The following MORN3 variants were observed in gnomAD, a reference collection of about 807,000 sequenced individuals.
MORN3 encodes the protein MORN repeat-containing protein 3.
A neutral mutation model predicts 34.7 loss-of-function variants in MORN3; 38 were observed. The ratio of observed to expected loss-of-function variants is 1.10; its 90% CI spans 0.85 to 1.44. MORN3 has a LOEUF of 1.44. Ranked by LOEUF, MORN3 falls within the 40% of genes most tolerant of loss-of-function variation. The pLI is 0.00. For synonymous variants in MORN3, 109 were observed against 115.3 expected (o/e 0.95, Z 0.35); for missense variants, 311 against 321.7 (o/e 0.97, Z 0.25).
chr12:121,667,041 ACCT>A (rs1893784172), intron 1 of MORN3, among the ~76,000 whole-genome samples: 2 of 146,284 alleles, frequency 1.4e-5, no homozygotes, highest in Admixed American at 1.4e-4. Context: ...GCTCACTGTA[ACCT>A]CCTCCTCCCA....
At position 121,652,186 on chromosome 12, in the gene MORN3, G is replaced by A. The variant is rs551899738; in HGVS notation, c.*6+542C>T. 6.6e-5 allele frequency among the ~76,000 whole-genome samples: 10 copies of A among 151,960 alleles called. No individual in the cohort carries two copies. In the East Asian group the frequency reaches 1.9e-3, roughly 29 times the overall value. On this transcript the variant is annotated intron_variant, in intron 5 of 5. Coordinates refer to ENST00000355329, the MANE Select transcript of MORN3 (RefSeq NM_173855.5). ...CCTGACCTCGTGATCCACCCACCTCGGCCTCCCAAAGTGCTGGGATTACAG... is the reference window on the plus strand; with the variant it reads ...CCTGACCTCGTGATCCACCCACCTCAGCCTCCCAAAGTGCTGGGATTACAG...
chr12:121,659,092 C>T (rs1246707056), intron 2 of MORN3, 99 bp downstream of exon 2: 27 of 1,492,596 alleles, frequency 1.8e-5, no homozygotes, highest in Non-Finnish European at 2.4e-5. Flanking sequence ...CCTCCCCTCT[C>T]TTTTCTCCCA....
chr12:121,663,867 TGGG>T (rs1893661697), intron 1 of MORN3, among the ~76,000 whole-genome samples: 1 of 152,058 alleles, frequency 6.6e-6, no homozygotes, highest in Admixed American at 6.6e-5. Flanking sequence ...TAGGGGCTGT[TGGG>T]TTGTTTGCGT....
rs542100595 is a variant in MORN3 at position 121,654,512 on chromosome 12, A to G, written c.304-79T>C. 20 of 1,438,500 alleles carry G rather than the reference A, an allele frequency of 1.4e-5. No homozygotes were observed. In the East Asian group the frequency reaches 2.6e-4, roughly 18 times the overall value. 89.1% of individuals were successfully genotyped at this position (1,438,500 alleles called of 1,614,324 possible). On this transcript the variant is annotated intron_variant, in intron 2 of 5. Coordinates refer to ENST00000355329, the MANE Select transcript of MORN3 (RefSeq NM_173855.5). ...GCCCACCGTCTTCCCAGGCACCCCTAGAGCCACACACCCCAGCTTCTTCCT... is the reference window on the plus strand; with the variant it reads ...GCCCACCGTCTTCCCAGGCACCCCTGGAGCCACACACCCCAGCTTCTTCCT...
chr12:121,653,357 T>C (rs1893309675), intron 3 of MORN3, 98 bp from the exon 4 acceptor site: 9 of 1,268,896 alleles, frequency 7.1e-6, no homozygotes, highest in Non-Finnish European at 9.7e-6. Flanking sequence ...TCCTAACACA[T>C]TGGGAGGCCA....
At chr12:121,661,556 T>C (rs59777768) in intron 1 of MORN3, among the ~76,000 whole-genome samples, 5,037 of 152,176 alleles carry the variant, frequency 0.033, 213 homozygotes, top group East Asian at 0.11. Flanking sequence ...GCCTCAGATA[T>C]CTCAGCTGTA....
intron 5 of MORN3, among the ~76,000 whole-genome samples, chr12:121,652,116 A>C (rs1368831698): frequency 6.6e-6 from 1 of 151,924 alleles, no homozygotes; most frequent in African/African-American, 2.4e-5. Context: ...TTGTGTTTTT[A>C]GTACAGATGG....
intron 1 of MORN3, among the ~76,000 whole-genome samples, chr12:121,666,096 A>T (rs188588103): frequency 6.6e-6 from 1 of 152,058 alleles, no homozygotes; most frequent in African/African-American, 2.4e-5. Flanking sequence ...TTGGGAGGCC[A>T]AGGTGGGCAG....
chr12:121,670,788 G>GAC (rs1448636351), upstream of MORN3, among the ~76,000 whole-genome samples: 1 of 149,738 alleles, frequency 6.7e-6, no homozygotes, highest in East Asian at 2.0e-4. Context: ...CAGGTTGGGA[G>GAC]ACAGAGCAAG....
intron 2 of MORN3, 104 bp downstream of exon 2, chr12:121,659,087 C>A (rs553184021): frequency 1.4e-6 from 2 of 1,443,574 alleles, no homozygotes; most frequent in East Asian, 2.4e-5. Context: ...GTAGACCTCC[C>A]CTCTCTTTTC....
rs1225410094 is a variant in MORN3, at chr12:121,649,704, C to T, written c.*1947G>A. ...ATCGTGGTATTTCAGGGTTTCTCAACATTTTTTTTTTTTTTTTTTTTGGAG... is the reference window on the plus strand; with the variant it reads ...ATCGTGGTATTTCAGGGTTTCTCAATATTTTTTTTTTTTTTTTTTTTGGAG... On this transcript the variant is annotated 3_prime_UTR_variant, in exon 6 of 6. Transcript: ENST00000355329. The T allele has an allele frequency of 2.8e-5, 4 of 142,508 alleles. No homozygotes were observed. Among genetic ancestry groups the T allele is most frequent in the Admixed American group, 1.4e-4 (2 of 14,356 alleles). The allele number at this position is 142,508 out of a possible 1,614,324, so 8.8% of individuals were successfully genotyped here.
At chr12:121,655,282 A>T (rs1332078568) in intron 2 of MORN3, among the ~76,000 whole-genome samples, 1 of 150,950 alleles carries the variant, frequency 6.6e-6, no homozygotes, top group Non-Finnish European at 1.5e-5. Flanking sequence ...TGGGAGATGG[A>T]GGTTGCAGTG....
At chr12:121,670,676 G>A (rs1371461386), upstream of MORN3, among the ~76,000 whole-genome samples, 1 of 151,896 alleles carries the variant, frequency 6.6e-6, no homozygotes, top group Non-Finnish European at 1.5e-5. Context: ...AGGCCTGGTG[G>A]TACGCGCCTG....
intron 2 of MORN3, among the ~76,000 whole-genome samples, chr12:121,655,339 C>CAA (rs57882903): frequency 6.5e-4 from 90 of 138,688 alleles, no homozygotes; most frequent in African/African-American, 2.2e-3. Flanking sequence ...GACGCTATCT[C>CAA]AAAAAAAAAA....
At chr12:121,666,987 C>A (rs11043316) in intron 1 of MORN3, among the ~76,000 whole-genome samples, 18,105 of 110,366 alleles carry the variant, frequency 0.16, 1,414 homozygotes, top group Middle Eastern at 0.37. Context: ...GATGGAGATT[C>A]GTTCTTGGAA....
intron 5 of MORN3, among the ~76,000 whole-genome samples, chr12:121,651,993 G>A (rs1368806377): frequency 2.0e-5 from 3 of 152,162 alleles, no homozygotes; most frequent in Admixed American, 6.6e-5. Context: ...CTGGAGTGCA[G>A]TGGCACAGTC....
chr12:121,653,290 G>A lies in MORN3; in HGVS notation c.464-31C>T, dbSNP rs1455380094. 19 of 1,602,784 alleles carry A rather than the reference G, an allele frequency of 1.2e-5. No individual in the cohort carries two copies. In the Admixed American group the frequency reaches 2.4e-4, roughly 20 times the overall value. ...GGAAAGGACAGGGAGGTGTGGTGCA[G>A]GGTACACCAAACTAAGCTAGACCCC... On this transcript the variant is annotated intron_variant, in intron 3 of 5. Transcript: ENST00000355329.
intron 4 of MORN3, 72 bp downstream of exon 4, chr12:121,653,003 G>A: frequency 6.6e-7 from 1 of 1,506,362 alleles, no homozygotes; most frequent in Non-Finnish European, 9.0e-7. Flanking sequence ...GATCTGGCCT[G>A]GGCATGGCTG....
rs1002564539 is a variant in MORN3, at chr12:121,669,533, T to G, written c.-50A>C. The stretch of plus-strand genomic sequence containing the variant: ...GGGTGCTGGAAAGGGGTTAGGGACA[T>G]CTGGGGCTCAGCGCGCCCCGTGTAA... On this transcript the variant is annotated 5_prime_UTR_variant, in exon 1 of 6. An upstream start codon of the reference 5' UTR is lost. Coordinates refer to ENST00000355329, the MANE Select transcript of MORN3 (RefSeq NM_173855.5). 3.7e-6 allele frequency: 6 copies of G among 1,607,602 alleles called. No homozygotes were observed. In the Admixed American group the frequency reaches 8.4e-5, roughly 22 times the overall value.
Sources: allele counts gnomAD v4.1 joint callset (sites outside exome capture counted in the v4.1 genomes callset), GRCh38; gene constraint gnomAD v4.1.1; transcripts MANE v1.5; gene names NCBI Gene and HGNC (gene_info 2026-07-23, HGNC 2026-07-21).